ZFHX3: variants seen among roughly 807,000 people sequenced by gnomAD.
The protein encoded by ZFHX3 is zinc finger homeobox 3, also known as zinc finger homeobox protein 3.
In ZFHX3, 42 loss-of-function variants were observed where a neutral mutation model predicts 279.1. That is an observed-to-expected ratio of 0.15 (90% CI 0.12 to 0.19). The LOEUF (loss-of-function observed/expected upper bound fraction) is 0.19. Ranked by LOEUF, ZFHX3 falls within the 10% of genes least tolerant of loss-of-function variation. The probability of loss-of-function intolerance (pLI) is 1.00; values close to 1 mark genes in which losing one functional copy is unlikely to be tolerated. For missense variants in ZFHX3, 4,981 were observed against 4,754.0 expected (o/e 1.05, Z -1.40); for synonymous variants, 2,293 against 1,957.8 (o/e 1.17, Z -4.52).
intron 1 of ZFHX3, among the ~76,000 whole-genome samples, chr16:73,862,165 G>C (rs180759682): frequency 6.6e-6 from 1 of 152,122 alleles, no homozygotes; most frequent in East Asian, 1.9e-4. Flanking sequence ...CATGGCACCA[G>C]CTTTCTGATC....
chr16:73,120,884 G>A (rs994205040), intron 7 of ZFHX3, among the ~76,000 whole-genome samples: 3 of 151,768 alleles, frequency 2.0e-5, no homozygotes, highest in Non-Finnish European at 4.4e-5. Flanking sequence ...TTGATATCCT[G>A]ACCTTGTGAT....
chr16:73,782,418 A>T (rs1046966214), intron 1 of ZFHX3, among the ~76,000 whole-genome samples: 15 of 152,350 alleles, frequency 9.8e-5, no homozygotes, highest in Non-Finnish European at 1.9e-4. Context: ...AGGGCCCATT[A>T]TCCCTGGAAG....
At chr16:73,512,434 G>A (rs568170392) in intron 2 of ZFHX3, among the ~76,000 whole-genome samples, 4 of 130,378 alleles carry the variant, frequency 3.1e-5, no homozygotes, top group Admixed American at 9.0e-5. Flanking sequence ...GCAACAGAGC[G>A]AGACTCCGTC....
At chr16:73,519,590 C>A (rs151148059) in intron 2 of ZFHX3, among the ~76,000 whole-genome samples, 1 of 152,084 alleles carries the variant, frequency 6.6e-6, no homozygotes, top group South Asian at 2.1e-4. Context: ...AGGAGACCAC[C>A]GTTCTCTGTC....
intron 2 of ZFHX3, among the ~76,000 whole-genome samples, chr16:73,605,923 A>G (rs1002874699): frequency 1.3e-5 from 2 of 151,958 alleles, no homozygotes; most frequent in Non-Finnish European, 1.5e-5. Context: ...AGTGGCTCAC[A>G]CCTGTAATCC....
intron 3 of ZFHX3, among the ~76,000 whole-genome samples, chr16:73,339,878 T>A (rs2015996937): frequency 6.6e-6 from 1 of 152,196 alleles, no homozygotes; most frequent in African/African-American, 2.4e-5. Flanking sequence ...CTGCTGACGA[T>A]GATGACAAAA....
intron 1 of ZFHX3, among the ~76,000 whole-genome samples, chr16:73,794,822 A>C (rs529351121): frequency 6.6e-6 from 1 of 152,354 alleles, no homozygotes; most frequent in South Asian, 2.1e-4. Context: ...CTCTGTGATC[A>C]TACCTCCCCC....
intron 4 of ZFHX3, among the ~76,000 whole-genome samples, chr16:72,878,313 G>A (rs2038371271): frequency 6.6e-6 from 1 of 152,184 alleles, no homozygotes; most frequent in Non-Finnish European, 1.5e-5. Flanking sequence ...ATAGCAGATG[G>A]CCAGGCTACA....
At chr16:73,723,945 T>G (rs137937292) in intron 1 of ZFHX3, among the ~76,000 whole-genome samples, 56 of 152,326 alleles carry the variant, frequency 3.7e-4, no homozygotes, top group African/African-American at 1.3e-3. Context: ...TGAGGCAGCT[T>G]TGGCAGCATA....
At chr16:73,231,317 A>C (rs1357859163) in intron 5 of ZFHX3, among the ~76,000 whole-genome samples, 2 of 152,202 alleles carry the variant, frequency 1.3e-5, no homozygotes, top group African/African-American at 4.8e-5. Context: ...TTTCCTGAAG[A>C]CGAGAGAACC....
intron 5 of ZFHX3, among the ~76,000 whole-genome samples, chr16:73,145,882 A>G (rs1340710113): frequency 6.6e-6 from 1 of 152,242 alleles, no homozygotes; most frequent in Non-Finnish European, 1.5e-5. Context: ...ACATAAAAAG[A>G]AGGCAATCAA....
rs573406133 is a variant in ZFHX3 at position 73,523,381 on chromosome 16, T to C, written c.-1546-67123A>G. On this transcript the variant is annotated intron_variant, in intron 2 of 17. Transcript: ENST00000641206. The stretch of plus-strand genomic sequence containing the variant: ...CCAGATGTGACCTCCCTGGGTTTTA[T>C]ATGCTCTGCTGACAGCATGTGATGT... 2.6e-5 allele frequency among the ~76,000 whole-genome samples: 4 copies of C among 152,286 alleles called. No homozygotes were observed. The East Asian group carries it at 7.7e-4, about 29-fold the overall frequency.
intron 1 of ZFHX3, among the ~76,000 whole-genome samples, chr16:73,850,292 T>C (rs976620738): frequency 3.3e-5 from 5 of 152,138 alleles, no homozygotes; most frequent in African/African-American, 1.2e-4. Context: ...CAAAAGATTT[T>C]TAAAGTAAAA....
chr16:73,823,539 T>C (rs762313755), intron 1 of ZFHX3, among the ~76,000 whole-genome samples: 9 of 152,090 alleles, frequency 5.9e-5, no homozygotes, highest in Non-Finnish European at 2.9e-5. Context: ...AGAATAGGGG[T>C]TGACCAACTA....
At chr16:72,860,618 T>C (rs1425452082) in intron 4 of ZFHX3, among the ~76,000 whole-genome samples, 2 of 152,108 alleles carry the variant, frequency 1.3e-5, no homozygotes, top group Non-Finnish European at 2.9e-5. Context: ...TTAGTAGAGA[T>C]AGGGTTTCAC....
chr16:73,201,044 A>T (rs1305367521), intron 5 of ZFHX3, among the ~76,000 whole-genome samples: 9 of 152,252 alleles, frequency 5.9e-5, no homozygotes, highest in East Asian at 1.9e-4. Flanking sequence ...CTCTCAGTTC[A>T]TTTGGTTTGG....
chr16:72,902,213 A>C (rs2039054963), intron 3 of ZFHX3, among the ~76,000 whole-genome samples: 1 of 152,194 alleles, frequency 6.6e-6, no homozygotes, highest in Non-Finnish European at 1.5e-5. Flanking sequence ...TGCTCCCAGA[A>C]TCATCCTAAC....
intron 3 of ZFHX3, among the ~76,000 whole-genome samples, chr16:73,393,995 A>G (rs1446807848): frequency 1.3e-5 from 2 of 148,410 alleles, no homozygotes; most frequent in Admixed American, 1.4e-4. Context: ...TATATGTGAT[A>G]TATGTATACA....
chr16:73,188,194 A>T (rs1019408200), intron 5 of ZFHX3, among the ~76,000 whole-genome samples: 1 of 149,608 alleles, frequency 6.7e-6, no homozygotes, highest in Admixed American at 6.7e-5. Context: ...TATCTTTATT[A>T]TTATTATTTT....
Sources: gnomAD v4.1 joint callset for allele counts (sites outside exome capture counted in the v4.1 genomes callset) on GRCh38, gnomAD v4.1.1 for gene constraint, MANE v1.5 for transcripts, NCBI Gene and HGNC (gene_info 2026-07-23, HGNC 2026-07-21) for gene names.